RASAL2: variants seen among roughly 807,000 people sequenced by gnomAD.
RASAL2 encodes ras GTPase-activating protein nGAP.
A neutral mutation model predicts 128.9 loss-of-function variants in RASAL2; 58 were observed. The ratio of observed to expected loss-of-function variants is 0.45; its 90% CI spans 0.36 to 0.56. The LOEUF (loss-of-function observed/expected upper bound fraction) is 0.56, where lower values mean the gene tolerates loss of function less well. Ranked by LOEUF, RASAL2 falls within the 20% of genes least tolerant of loss-of-function variation. The pLI, the probability that RASAL2 is intolerant of heterozygous loss-of-function variation, is 0.00. For missense variants in RASAL2, 1,360 were observed against 1,601.6 expected, an observed-to-expected ratio of 0.85 and a Z score of 2.57; for synonymous variants, 561 against 580.8, an observed-to-expected ratio of 0.97 and a Z score of 0.49.
intron 1 of RASAL2, among the ~76,000 whole-genome samples, chr1:178,135,702 AC>A (rs1369171904): frequency 6.6e-6 from 1 of 152,196 alleles, no homozygotes; most frequent in Non-Finnish European, 1.5e-5. Flanking sequence ...TGGGCAATTT[AC>A]AAAATAAAGA....
chr1:178,156,873 C>T (rs1329626646), intron 1 of RASAL2, among the ~76,000 whole-genome samples: 5 of 152,092 alleles, frequency 3.3e-5, no homozygotes, highest in Admixed American at 2.0e-4. Flanking sequence ...AGGTTGAAAA[C>T]GTGGTTATGC....
At chr1:178,439,657 T>C in intron 6 of RASAL2, 82 bp downstream of exon 6, 1 of 1,298,998 alleles carries the variant, frequency 7.7e-7, no homozygotes, top group South Asian at 1.6e-5. Flanking sequence ...ATTTCATTGC[T>C]GTACAGTTGA....
intron 1 of RASAL2, among the ~76,000 whole-genome samples, chr1:178,172,258 A>G (rs1451500184): frequency 6.6e-6 from 1 of 152,044 alleles, no homozygotes; most frequent in Non-Finnish European, 1.5e-5. Flanking sequence ...TAGTTTGTCA[A>G]AGGTTAATGT....
intron 3 of RASAL2, among the ~76,000 whole-genome samples, chr1:178,302,852 C>A (rs1307292599): frequency 1.3e-5 from 2 of 151,976 alleles, no homozygotes; most frequent in Admixed American, 1.3e-4. Flanking sequence ...CCAGCCTGGT[C>A]AATATGGTGA....
chr1:178,182,763 C>T (rs1662159275), intron 1 of RASAL2, among the ~76,000 whole-genome samples: 1 of 150,708 alleles, frequency 6.6e-6, no homozygotes, highest in African/African-American at 2.4e-5. Flanking sequence ...ATTGTTAATC[C>T]ATATCCCTTT....
At chr1:178,383,575 T>C (rs1006437286) in intron 3 of RASAL2, among the ~76,000 whole-genome samples, 1 of 152,206 alleles carries the variant, frequency 6.6e-6, no homozygotes, top group African/African-American at 2.4e-5. Flanking sequence ...TATGAAACCT[T>C]ATTTTCATGA....
chr1:178,286,707 C>T (rs1341451697), intron 2 of RASAL2, among the ~76,000 whole-genome samples: 1 of 152,166 alleles, frequency 6.6e-6, no homozygotes, highest in Non-Finnish European at 1.5e-5. Flanking sequence ...CCACCGTGCC[C>T]GGCCTGTAGT....
intron 11 of RASAL2, 47 bp from the exon 12 acceptor site, chr1:178,454,400 A>C (rs748381939): frequency 6.2e-6 from 9 of 1,448,106 alleles, no homozygotes; most frequent in African/African-American, 1.4e-5. Context: ...AAATGATCAT[A>C]TCTCTCTTGA....
chr1:178,158,295 C>T (rs1049271679), intron 1 of RASAL2, among the ~76,000 whole-genome samples: 23 of 152,234 alleles, frequency 1.5e-4, no homozygotes, highest in Admixed American at 1.4e-3. Context: ...AAATCCCGTT[C>T]TGCCTCATAC....
At chr1:178,172,906 T>C (rs1661751349) in intron 1 of RASAL2, among the ~76,000 whole-genome samples, 1 of 152,154 alleles carries the variant, frequency 6.6e-6, no homozygotes, top group Non-Finnish European at 1.5e-5. Context: ...AAATACAGAC[T>C]TCATCTATTT....
At chr1:178,233,867 G>C (rs562657129) in intron 1 of RASAL2, among the ~76,000 whole-genome samples, 55 of 152,298 alleles carry the variant, frequency 3.6e-4, no homozygotes, top group African/African-American at 1.3e-3. Context: ...CAACCAATGA[G>C]CCAGTAAGAG....
intron 1 of RASAL2, among the ~76,000 whole-genome samples, chr1:178,210,263 G>A (rs1489545088): frequency 6.6e-6 from 1 of 152,014 alleles, no homozygotes; most frequent in East Asian, 1.9e-4. Flanking sequence ...TTTCAAGCTT[G>A]GATTTATTGT....
At chr1:178,099,139 A>G (rs550065428) in intron 1 of RASAL2, among the ~76,000 whole-genome samples, 7 of 152,352 alleles carry the variant, frequency 4.6e-5, no homozygotes, top group Admixed American at 3.9e-4. Flanking sequence ...GAAGAAAATC[A>G]GTGAGTGTGT....
chr1:178,115,978 T>A (rs1360601527), intron 1 of RASAL2, among the ~76,000 whole-genome samples: 1 of 152,210 alleles, frequency 6.6e-6, no homozygotes, highest in Admixed American at 6.5e-5. Context: ...TAGAGGGATG[T>A]TGGTACTATT....
At chr1:178,223,009 G>A (rs971157901) in intron 1 of RASAL2, among the ~76,000 whole-genome samples, 4 of 152,050 alleles carry the variant, frequency 2.6e-5, no homozygotes, top group African/African-American at 9.7e-5. Context: ...CCCATGATCT[G>A]TATTTTGATG....
intron 1 of RASAL2, among the ~76,000 whole-genome samples, chr1:178,176,240 TGTGGCCATTCTTGC>T (rs1022296255): frequency 2.6e-5 from 4 of 151,504 alleles, no homozygotes; most frequent in African/African-American, 9.7e-5. Flanking sequence ...TGACTCTAGT[TGTGGCCATTCTTGC>T]GTGGCCATTA....
intron 1 of RASAL2, among the ~76,000 whole-genome samples, chr1:178,248,422 T>TTTGAGCCCATGTGTG (rs1309392451): frequency 6.6e-6 from 1 of 151,668 alleles, no homozygotes; most frequent in Non-Finnish European, 1.5e-5. Flanking sequence ...TTCCCTTTAT[T>TTTGAGCCCATGTGTG]TTGAGCCCAT....
At chr1:178,125,948 G>A (rs1292504453) in intron 1 of RASAL2, among the ~76,000 whole-genome samples, 1 of 152,188 alleles carries the variant, frequency 6.6e-6, no homozygotes, top group African/African-American at 2.4e-5. Context: ...TACCTAAGGA[G>A]CAAGGGCTGG....
intron 3 of RASAL2, among the ~76,000 whole-genome samples, chr1:178,381,020 T>C (rs997242519): frequency 4.6e-5 from 7 of 152,126 alleles, no homozygotes; most frequent in African/African-American, 1.4e-4. Context: ...CATCTAAGAG[T>C]TGGCAGATAT....
Sources: allele counts gnomAD v4.1 joint callset (sites outside exome capture counted in the v4.1 genomes callset), GRCh38; gene constraint gnomAD v4.1.1; transcripts MANE v1.5; gene names NCBI Gene and HGNC (gene_info 2026-07-23, HGNC 2026-07-21).